CHD6: variants seen among roughly 807,000 people sequenced by gnomAD.
CHD6 encodes ATP-dependent chromatin remodeler CHD6.
Under a neutral mutation model 276.9 loss-of-function variants are expected in CHD6, and 50 were observed. That is an observed-to-expected ratio of 0.18 (90% CI 0.14 to 0.23). The LOEUF (loss-of-function observed/expected upper bound fraction) is 0.23. Ranked by LOEUF, CHD6 falls within the 10% of genes least tolerant of loss-of-function variation. The pLI, the probability that CHD6 is intolerant of heterozygous loss-of-function variation, is 1.00. For synonymous variants in CHD6, 1,173 were observed against 1,229.3 expected (o/e 0.95, Z 0.96); for missense variants, 2,564 against 3,365.8 (o/e 0.76, Z 5.89).
rs1569076965 is a variant in CHD6, at chr20:41,437,307, A to G, written c.4035T>C (p.Ala1345=). ...TCTGGAGGCCATCTACTTTGTCCTC[A>G]GCATTGTCTTCTTTATCTGTGTTGC... ...ERGNTDKEDN[A]EDKVDGLQKQ... The change falls in exon 27 of 37, where the codon GCT becomes GCC. Residue 1345 remains alanine (A), a synonymous_variant. Coordinates refer to ENST00000373233, the MANE Select transcript of CHD6 (RefSeq NM_032221.5). The G allele has an allele frequency of 1.2e-6, 2 of 1,613,500 alleles. No homozygotes were observed. Among genetic ancestry groups the G allele is most frequent in the Non-Finnish European group, 1.7e-6 (2 of 1,179,720 alleles).
At chr20:41,556,788 T>G (rs1311404316) in intron 1 of CHD6, among the ~76,000 whole-genome samples, 1 of 152,214 alleles carries the variant, frequency 6.6e-6, no homozygotes, top group Admixed American at 6.5e-5. Context: ...CATTTATTGA[T>G]TTGTCCTTCT....
At chr20:41,498,923 T>C (rs756849876) in intron 6 of CHD6, among the ~76,000 whole-genome samples, 48 of 151,982 alleles carry the variant, frequency 3.2e-4, no homozygotes, top group Non-Finnish European at 5.6e-4. Context: ...GAACCTCCGA[T>C]GTTGGCCTCT....
At chr20:41,504,859 A>AT (rs1029568679) in intron 5 of CHD6, among the ~76,000 whole-genome samples, 30 of 151,888 alleles carry the variant, frequency 2.0e-4, no homozygotes, top group African/African-American at 5.6e-4. Context: ...TGAATGTCTA[A>AT]TTTTTTTTAT....
chr20:41,539,842 C>T (rs1466777849), intron 2 of CHD6, among the ~76,000 whole-genome samples: 3 of 152,108 alleles, frequency 2.0e-5, no homozygotes, highest in Non-Finnish European at 4.4e-5. Flanking sequence ...ATAGTACACC[C>T]ATCATCTGGA....
Position 41,403,755 on chromosome 20 carries a change from A to G in CHD6, c.*838T>C. 1 of 1,057,560 alleles carries G rather than the reference A, an allele frequency of 9.5e-7. No individual in the cohort carries two copies. The highest frequency in any genetic ancestry group is 1.6e-5 in the African/African-American group (1 of 60,748). The allele number at this position is 1,057,560 out of a possible 1,614,324, so 65.5% of individuals were successfully genotyped here. ...AAATTAATGGCTAGAGAAATCTGTA[A>G]GCGAACCAGGTGAGAGCAGAGCGCT... is the stretch of plus-strand genomic sequence containing the variant. On this transcript the variant is annotated 3_prime_UTR_variant, in exon 37 of 37. Transcript: ENST00000373233.
intron 22 of CHD6, 61 bp downstream of exon 22, chr20:41,451,765 G>A (rs1018706756): frequency 2.1e-6 from 3 of 1,423,034 alleles, no homozygotes; most frequent in Admixed American, 3.3e-5. Context: ...GCCCCGCAGA[G>A]GAAGAGGGGA....
Position 41,420,953 on chromosome 20 carries a change from C to T in CHD6, c.5682G>A (p.Thr1894=), listed in dbSNP as rs755723553. The stretch of plus-strand genomic sequence containing the variant: ...CCCTTGAGATGTTAGTAGTGGGCTC[C>T]GTGAGATGCAATACCTCTGGCCTTT... ...MGERPEVLHL[T]EPTTNISREK... is the part of the protein sequence containing the mutation. The change falls in exon 31 of 37, where the codon ACG becomes ACA. Residue 1894 remains threonine (T), a synonymous_variant. Coordinates refer to ENST00000373233, the MANE Select transcript of CHD6 (RefSeq NM_032221.5). The T allele has an allele frequency of 3.7e-6, 6 of 1,614,196 alleles. No homozygotes were observed. The highest frequency in any genetic ancestry group is 1.7e-5 in the Admixed American group (1 of 60,014).
In CHD6 at chr20:41,497,364, G is replaced by A; in HGVS notation, c.1092+20C>T. 4.2e-6 allele frequency: 6 copies of A among 1,432,700 alleles called. No homozygotes were observed. Among genetic ancestry groups the A allele is most frequent in the Non-Finnish European group, 5.9e-6 (6 of 1,014,326 alleles). 88.7% of individuals were successfully genotyped at this position (1,432,700 alleles called of 1,614,324 possible). A position where few individuals can be genotyped will look rare whatever the true frequency, so the allele number is the denominator to read the frequency against. ...TGCAAGAAAAGCAGCAGTCAAATGAGTCAGTAAATATTGCTTCACCTCCGT... is the reference window on the plus strand; with the variant it reads ...TGCAAGAAAAGCAGCAGTCAAATGAATCAGTAAATATTGCTTCACCTCCGT... On this transcript the variant is annotated intron_variant, in intron 8 of 36. Transcript: ENST00000373233.
chr20:41,421,078 A>G lies in CHD6; in HGVS notation c.5557T>C (p.Leu1853=). 1 of 1,613,954 alleles carries G rather than the reference A, an allele frequency of 6.2e-7. No homozygotes were observed. ...QLIDLLENKS[L]ESKLILSQNH... ...TGACTCAAAATCAATTTACTTTCTA[A>G]GCTTTTGTTTTCCAATAAATCAATT... Residue 1853 remains leucine (L), a synonymous_variant, in exon 31 of 37, where the codon TTA becomes CTA. Coordinates refer to ENST00000373233, the MANE Select transcript of CHD6 (RefSeq NM_032221.5).
intron 5 of CHD6, among the ~76,000 whole-genome samples, chr20:41,504,225 C>G (rs940582478): frequency 6.7e-6 from 1 of 148,934 alleles, no homozygotes; most frequent in African/African-American, 2.5e-5. Context: ...ATTGATCTGT[C>G]TTCATAGTCA....
Position 41,514,872 on chromosome 20 carries a change from A to G in CHD6, c.635T>C (p.Leu212Pro). Residue 212 changes from leucine (L) to proline (P), a missense_variant, in exon 4 of 37, where the codon CTG becomes CCG. By Grantham distance (98) the Leu-to-Pro change is moderately conservative (BLOSUM62 -3). This residue lies in a region of CHD6 where 286 missense variants were observed against 297.8 expected (regional missense o/e 0.96). Coordinates refer to ENST00000373233, the MANE Select transcript of CHD6 (RefSeq NM_032221.5). ...AGATGGGTTCGTCAGGCCCTGATCC[A>G]GCTCTAAACTCTCCACTGTAGTTTC... is the stretch of plus-strand genomic sequence containing the variant. ...KSETTVESLE[L>P]DQGLTNPSLR... 1 of 1,614,104 alleles carries G rather than the reference A, an allele frequency of 6.2e-7. No individual in the cohort carries two copies. Among genetic ancestry groups the G allele is most frequent in the Non-Finnish European group, 8.5e-7 (1 of 1,179,980 alleles).
chr20:41,416,591 G>C lies in CHD6; in HGVS notation c.6483C>G (p.His2161Gln), dbSNP rs3817893. Residue 2161 changes from histidine to glutamine, a missense_variant, in exon 33 of 37, where the codon CAC (histidine) becomes CAG (glutamine). His to Gln is a conservative substitution (Grantham distance 24). Around this residue, in one of 7 missense-constraint regions of CHD6, gnomAD observed 1,024 missense variants for 1,047.9 expected, o/e 0.98. Coordinates refer to ENST00000373233, the MANE Select transcript of CHD6 (RefSeq NM_032221.5). ...CACTCCATTCTTGCCGGCTCACCTT[G>C]TGGATCTGGGCCGCCAATGCTGCGC... is the stretch of plus-strand genomic sequence containing the variant. The part of the protein sequence containing the change: ...SNGAALAAQI[H>Q]KESFLAPVFT... The C allele has an allele frequency of 0.022, 35,866 of 1,610,152 alleles. 624 individuals are homozygous for C. The highest frequency in any genetic ancestry group is 0.051 in the African/African-American group (3,840 of 74,926).
rs2145339757 is a variant in CHD6 at position 41,403,129 on chromosome 20, G to GA, written c.*1463dup. The GA allele has an allele frequency of 3.3e-6, 1 of 306,516 alleles. No individual in the cohort carries two copies. Among genetic ancestry groups the GA allele is most frequent in the African/African-American group, 2.2e-5 (1 of 46,242 alleles). 19.0% of individuals were successfully genotyped at this position (306,516 alleles called of 1,614,324 possible). On this transcript the variant is annotated 3_prime_UTR_variant, in exon 37 of 37. Transcript: ENST00000373233. ...AATGCAAAATGAAATAGTTATGTCA[G>GA]ACTTTTGGACCTTCTGATAAATTAG...
chr20:41,544,707 T>C (rs1031850623), intron 2 of CHD6, among the ~76,000 whole-genome samples: 3 of 150,262 alleles, frequency 2.0e-5, no homozygotes, highest in African/African-American at 4.9e-5. Flanking sequence ...ATTTTAATAC[T>C]AAAATATTAC....
intron 1 of CHD6, among the ~76,000 whole-genome samples, chr20:41,551,869 T>C (rs2045152487): frequency 6.6e-6 from 1 of 152,206 alleles, no homozygotes; most frequent in African/African-American, 2.4e-5. Flanking sequence ...TTAAACCATG[T>C]ACATTTATTA....
At chr20:41,615,390 G>T (rs1211265114) in intron 1 of CHD6, among the ~76,000 whole-genome samples, 2 of 150,788 alleles carry the variant, frequency 1.3e-5, no homozygotes, top group African/African-American at 4.9e-5. Context: ...AGGTATCTCA[G>T]CTCTGGCTAT....
chr20:41,517,775 A>G (rs2044287536), intron 3 of CHD6, among the ~76,000 whole-genome samples: 1 of 152,238 alleles, frequency 6.6e-6, no homozygotes, highest in South Asian at 2.1e-4. Context: ...CAGATGAGGA[A>G]AACTGAGATT....
At chr20:41,606,431 G>A (rs922840242) in intron 1 of CHD6, among the ~76,000 whole-genome samples, 6 of 151,916 alleles carry the variant, frequency 3.9e-5, no homozygotes, top group Admixed American at 6.6e-5. Flanking sequence ...GGAGAATGGC[G>A]TGAACCCAGG....
chr20:41,421,464 G>C lies in CHD6; in HGVS notation c.5171C>G (p.Pro1724Arg). 4 of 1,614,076 alleles carry C rather than the reference G, an allele frequency of 2.5e-6. No individual in the cohort carries two copies. The highest frequency in any genetic ancestry group is 3.4e-6 in the Non-Finnish European group (4 of 1,179,996). The change falls in exon 31 of 37, where the codon CCA becomes CGA. Residue 1724 changes from proline (P) to arginine (R), a missense_variant. Pro to Arg is a moderately radical substitution (Grantham distance 103, BLOSUM62 -2). Around this residue, in one of 7 missense-constraint regions of CHD6, gnomAD observed 1,024 missense variants for 1,047.9 expected, o/e 0.98. Coordinates refer to ENST00000373233, the MANE Select transcript of CHD6 (RefSeq NM_032221.5). ...TTTTCTAGATTCAGTATTGGTACTT[G>C]GGCTCTCCTGAAAAGAGCTTGGTTC... ...SQEPSSFQES[P>R]STNTESRKDV...
Sources: allele counts gnomAD v4.1 joint callset (sites outside exome capture counted in the v4.1 genomes callset), GRCh38; gene constraint gnomAD v4.1.1; regional missense constraint gnomAD v4.1.1; transcripts MANE v1.5; gene names NCBI Gene and HGNC (gene_info 2026-07-23, HGNC 2026-07-21).